Variants in SUMF1 observed in about 807,000 individuals in gnomAD.
SUMF1 encodes formylglycine-generating enzyme.
A neutral mutation model predicts 47.6 loss-of-function variants in SUMF1; 48 were observed. That is an observed-to-expected ratio of 1.01 (90% CI 0.80 to 1.28). SUMF1 has a LOEUF of 1.28. SUMF1 is among the 50% of genes most tolerant of loss of function. SUMF1 has a pLI of 0.00. For missense variants in SUMF1, 571 were observed against 485.4 expected (o/e 1.18, Z -1.66); for synonymous variants, 230 against 192.1 (o/e 1.20, Z -1.63).
At chr3:4,335,741 A>C (rs1034533233) in intron 8 of SUMF1, among the ~76,000 whole-genome samples, 8 of 152,098 alleles carry the variant, frequency 5.3e-5, no homozygotes, top group African/African-American at 1.7e-4. Context: ...TCAGGAGTAC[A>C]AGACCAGCCT....
intron 8 of SUMF1, among the ~76,000 whole-genome samples, chr3:4,247,711 A>C (rs1696701056): frequency 6.6e-6 from 1 of 152,220 alleles, no homozygotes; most frequent in Non-Finnish European, 1.5e-5. Flanking sequence ...GAGTCAGTTG[A>C]GAACCCAAGG....
intron 8 of SUMF1, among the ~76,000 whole-genome samples, chr3:4,272,368 C>G (rs762504145): frequency 1.3e-5 from 2 of 152,156 alleles, no homozygotes; most frequent in African/African-American, 4.8e-5. Context: ...ACTGGCTGGA[C>G]CTTCGGAATT....
chr3:4,425,449 G>A (rs1463444598), intron 3 of SUMF1, among the ~76,000 whole-genome samples: 2 of 152,154 alleles, frequency 1.3e-5, no homozygotes, highest in Non-Finnish European at 2.9e-5. Flanking sequence ...AGAGCTTTCA[G>A]AGAACATATA....
At chr3:4,151,652 A>C (rs538284969) in intron 8 of SUMF1, among the ~76,000 whole-genome samples, 38 of 149,954 alleles carry the variant, frequency 2.5e-4, no homozygotes, top group African/African-American at 8.9e-4. Flanking sequence ...TGGAAGAAGA[A>C]GAATTGATTT....
At chr3:4,284,358 A>T (rs931448908) in intron 8 of SUMF1, among the ~76,000 whole-genome samples, 5 of 151,054 alleles carry the variant, frequency 3.3e-5, no homozygotes, top group Non-Finnish European at 5.9e-5. Context: ...GGCTGCAGTG[A>T]GCTGTGATCA....
intron 8 of SUMF1, among the ~76,000 whole-genome samples, chr3:4,348,054 C>T (rs1307709702): frequency 6.6e-6 from 1 of 152,162 alleles, no homozygotes; most frequent in Non-Finnish European, 1.5e-5. Context: ...AAAAACATTC[C>T]ATCCTCATGG....
chr3:4,317,435 C>G, intron 8 of SUMF1: 1 of 543,042 alleles, frequency 1.8e-6, no homozygotes, highest in Non-Finnish European at 3.2e-6. Flanking sequence ...GTAATCCCAG[C>G]ACTTTGGGAG....
At chr3:4,418,167 C>A (rs749931877) in intron 4 of SUMF1, 35 bp from the exon 5 acceptor site, 3 of 1,613,524 alleles carry the variant, frequency 1.9e-6, no homozygotes, top group South Asian at 1.1e-5. Flanking sequence ...AAAAGTGACA[C>A]CAATCAGAAC....
intron 7 of SUMF1, among the ~76,000 whole-genome samples, chr3:4,410,228 A>G (rs1335865473): frequency 6.6e-6 from 1 of 152,214 alleles, no homozygotes; most frequent in African/African-American, 2.4e-5. Flanking sequence ...CTGCTGGGGT[A>G]GCTTGGTTTT....
rs141371881 is a variant in SUMF1 at position 4,185,428 on chromosome 3, G to A, written c.1015-116683C>T. Among the ~76,000 whole-genome samples the A allele has an allele frequency of 3.4e-3, 514 of 151,338 alleles. 4 individuals carry two copies. The highest frequency in any genetic ancestry group is 0.012 in the African/African-American group (480 of 41,490). ...GATGTTGGTGAATTATTTAATGTAAGATACATTATCCTGCTCCAGTCCAAT... is the reference window on the plus strand; with the variant it reads ...GATGTTGGTGAATTATTTAATGTAAAATACATTATCCTGCTCCAGTCCAAT... On this transcript the variant is annotated intron_variant and NMD_transcript_variant, in intron 8 of 12. Transcript: ENST00000448413.
At chr3:4,042,031 T>C (rs149996583) in intron 9 of SUMF1, among the ~76,000 whole-genome samples, 1,552 of 152,214 alleles carry the variant, frequency 0.01, 38 homozygotes, top group East Asian at 0.04. Context: ...CAAAGTATAC[T>C]AGGAGAAAAT....
At chr3:4,350,987 C>T (rs2125154599) in intron 8 of SUMF1, among the ~76,000 whole-genome samples, 1 of 151,898 alleles carries the variant, frequency 6.6e-6, no homozygotes, top group African/African-American at 2.4e-5. Context: ...AAACTGGCCA[C>T]TAGAGGGAGA....
chr3:4,094,975 T>C (rs918877090), intron 8 of SUMF1, among the ~76,000 whole-genome samples: 1 of 151,972 alleles, frequency 6.6e-6, no homozygotes, highest in African/African-American at 2.4e-5. Context: ...TCAAGAAACA[T>C]AAAACCTTAT....
intron 1 of SUMF1, among the ~76,000 whole-genome samples, chr3:4,457,357 C>T (rs1480866833): frequency 1.3e-5 from 2 of 151,872 alleles, no homozygotes; most frequent in Admixed American, 6.6e-5. Flanking sequence ...TAATTCCTAT[C>T]AAAATTCTAA....
chr3:4,276,065 T>C (rs1697409041), intron 8 of SUMF1, among the ~76,000 whole-genome samples: 1 of 152,190 alleles, frequency 6.6e-6, no homozygotes, highest in South Asian at 2.1e-4. Flanking sequence ...TCCAAGTTCA[T>C]GAGTTCAAGC....
At chr3:4,447,625 T>G (rs1014745857) in intron 3 of SUMF1, among the ~76,000 whole-genome samples, 2 of 151,958 alleles carry the variant, frequency 1.3e-5, no homozygotes, top group South Asian at 4.1e-4. Context: ...TCAGACCTTA[T>G]GAGGAGGATG....
intron 8 of SUMF1, among the ~76,000 whole-genome samples, chr3:4,150,105 TTTA>T: frequency 7.8e-6 from 1 of 128,618 alleles, no homozygotes; most frequent in Non-Finnish European, 1.6e-5. Flanking sequence ...TATTTATTTA[TTTA>T]TTTTGCAGGG....
chr3:4,359,356 C>T (rs1174654497), downstream of SUMF1, among the ~76,000 whole-genome samples: 1 of 152,152 alleles, frequency 6.6e-6, no homozygotes, highest in Non-Finnish European at 1.5e-5. Flanking sequence ...TAGTTCACTG[C>T]AGCCTTGAGC....
chr3:4,165,627 T>TA (rs1436325149), intron 8 of SUMF1, among the ~76,000 whole-genome samples: 17 of 152,090 alleles, frequency 1.1e-4, no homozygotes, highest in Non-Finnish European at 2.4e-4. Flanking sequence ...ACAGAAAAGG[T>TA]CAAGCTGCAG....
Sources: allele counts gnomAD v4.1 joint callset (sites outside exome capture counted in the v4.1 genomes callset), GRCh38; gene constraint gnomAD v4.1.1; transcripts MANE v1.5; gene names NCBI Gene and HGNC (gene_info 2026-07-23, HGNC 2026-07-21).